CTNND2: variants seen among roughly 807,000 people sequenced by gnomAD.
CTNND2 encodes catenin delta-2.
CTNND2 carries 22 observed loss-of-function variants against 144.4 expected under a neutral mutation model. The ratio of observed to expected loss-of-function variants is 0.15; its 90% CI spans 0.11 to 0.22. CTNND2 has a LOEUF of 0.22. Among genes scored for constraint, CTNND2 ranks in the 10% least tolerant of loss-of-function variants. The pLI, the probability that CTNND2 is intolerant of heterozygous loss-of-function variation, is 1.00. For synonymous variants in CTNND2, 751 were observed against 695.6 expected, an observed-to-expected ratio of 1.08 and a Z score of -1.25; for missense variants, 1,353 against 1,618.8, an observed-to-expected ratio of 0.84 and a Z score of 2.82.
intron 1 of CTNND2, among the ~76,000 whole-genome samples, chr5:11,852,975 TTC>T (rs902894254): frequency 6.6e-6 from 1 of 152,186 alleles, no homozygotes; most frequent in Admixed American, 6.5e-5. Flanking sequence ...TTTGATGTTT[TTC>T]TCTCTTTCTT....
chr5:11,685,885 C>A (rs1304117985), intron 2 of CTNND2, among the ~76,000 whole-genome samples: 1 of 152,116 alleles, frequency 6.6e-6, no homozygotes, highest in Non-Finnish European at 1.5e-5. Flanking sequence ...CCTTAGCATT[C>A]AAATCTATCA....
intron 9 of CTNND2, among the ~76,000 whole-genome samples, chr5:11,338,406 C>T (rs1753929544): frequency 6.6e-6 from 1 of 152,176 alleles, no homozygotes; most frequent in African/African-American, 2.4e-5. Context: ...GAGATCCACA[C>T]TCACCTTCTG....
intron 10 of CTNND2, among the ~76,000 whole-genome samples, chr5:11,229,206 G>A (rs1001797072): frequency 6.6e-6 from 1 of 152,146 alleles, no homozygotes; most frequent in African/African-American, 2.4e-5. Context: ...AATAAAGTTT[G>A]AATTTTTGAA....
intron 18 of CTNND2, among the ~76,000 whole-genome samples, chr5:11,007,390 C>G (rs559246430): frequency 1.3e-5 from 2 of 152,322 alleles, no homozygotes; most frequent in East Asian, 3.9e-4. Context: ...ACGGCATGAA[C>G]AGCTCTCTCA....
At chr5:11,195,244 A>G (rs888714725) in intron 11 of CTNND2, among the ~76,000 whole-genome samples, 3 of 152,232 alleles carry the variant, frequency 2.0e-5, no homozygotes, top group African/African-American at 7.2e-5. Context: ...TATAGAAAAT[A>G]TTCCTGAGAA....
chr5:11,261,587 A>C (rs1242665923), intron 9 of CTNND2, among the ~76,000 whole-genome samples: 1 of 152,204 alleles, frequency 6.6e-6, no homozygotes, highest in African/African-American at 2.4e-5. Context: ...TGAACAAACC[A>C]AGGGTCATGT....
intron 11 of CTNND2, among the ~76,000 whole-genome samples, chr5:11,173,963 G>A (rs1475102659): frequency 6.6e-6 from 1 of 152,174 alleles, no homozygotes. Flanking sequence ...AGGCAAGGTA[G>A]GAGGCCACTT....
intron 2 of CTNND2, among the ~76,000 whole-genome samples, chr5:11,630,727 G>T (rs369200607): frequency 6.6e-6 from 1 of 152,028 alleles, no homozygotes; most frequent in African/African-American, 2.4e-5. Flanking sequence ...CGAGGCAGGT[G>T]GATCACCTGA....
chr5:11,484,049 C>G (rs25947), intron 3 of CTNND2, among the ~76,000 whole-genome samples: 4,014 of 152,270 alleles, frequency 0.026, 131 homozygotes, highest in African/African-American at 0.087. Context: ...GCTGGCTCCC[C>G]CCAGCCAGGC....
chr5:11,166,099 G>A (rs1341996175), intron 11 of CTNND2, among the ~76,000 whole-genome samples: 2 of 152,006 alleles, frequency 1.3e-5, no homozygotes, highest in Non-Finnish European at 2.9e-5. Context: ...TTATAAAAAT[G>A]TATTTACAAT....
chr5:11,754,046 G>T (rs1042408791), intron 1 of CTNND2, among the ~76,000 whole-genome samples: 31 of 151,234 alleles, frequency 2.0e-4, no homozygotes, highest in Admixed American at 9.3e-4. Context: ...TTCCAATTGT[G>T]TTTATTGGGT....
chr5:11,313,850 C>A (rs186323382), intron 9 of CTNND2, among the ~76,000 whole-genome samples: 1 of 152,000 alleles, frequency 6.6e-6, no homozygotes, highest in Non-Finnish European at 1.5e-5. Flanking sequence ...CATGGCAGAA[C>A]GTTAAGGGGA....
intron 2 of CTNND2, among the ~76,000 whole-genome samples, chr5:11,623,553 C>T (rs1581623629): frequency 6.6e-6 from 1 of 151,680 alleles, no homozygotes; most frequent in South Asian, 2.1e-4. Context: ...TTGGGTTTGC[C>T]TTTATCAGCA....
At chr5:11,168,121 T>A (rs1759535623) in intron 11 of CTNND2, among the ~76,000 whole-genome samples, 1 of 152,170 alleles carries the variant, frequency 6.6e-6, no homozygotes, top group African/African-American at 2.4e-5. Flanking sequence ...ATTGACTGAT[T>A]TTTTTAAAAA....
intron 1 of CTNND2, among the ~76,000 whole-genome samples, chr5:11,856,965 TTAAA>T (rs1395096940): frequency 6.6e-6 from 1 of 152,212 alleles, no homozygotes; most frequent in Admixed American, 6.5e-5. Context: ...AACAACCCAC[TTAAA>T]TAGTTGAAAT....
chr5:11,559,241 G>A (rs1234681750), intron 3 of CTNND2, among the ~76,000 whole-genome samples: 2 of 152,092 alleles, frequency 1.3e-5, no homozygotes, highest in African/African-American at 2.4e-5. Context: ...ATGCTCACAA[G>A]TGAGACTGTG....
At chr5:11,240,176 ACACT>A (rs1275431299) in intron 9 of CTNND2, among the ~76,000 whole-genome samples, 5 of 121,530 alleles carry the variant, frequency 4.1e-5, no homozygotes, top group Non-Finnish European at 1.7e-5. Context: ...ACCAACACAC[ACACT>A]CACACACCCA....
At chr5:11,560,620 C>T (rs1776607374) in intron 3 of CTNND2, among the ~76,000 whole-genome samples, 1 of 152,176 alleles carries the variant, frequency 6.6e-6, no homozygotes, top group Non-Finnish European at 1.5e-5. Context: ...TTCTCCAACA[C>T]TTTGTGAAGT....
intron 3 of CTNND2, among the ~76,000 whole-genome samples, chr5:11,517,760 G>T (rs903964241): frequency 6.6e-6 from 1 of 151,394 alleles, no homozygotes; most frequent in African/African-American, 2.4e-5. Context: ...TGCACATTCT[G>T]CCTGTGTATC....
Sources: gnomAD v4.1 joint callset for allele counts (sites outside exome capture counted in the v4.1 genomes callset) on GRCh38, gnomAD v4.1.1 for gene constraint, MANE v1.5 for transcripts, NCBI Gene and HGNC (gene_info 2026-07-23, HGNC 2026-07-21) for gene names.